Variants in CEP57 observed in about 807,000 individuals in gnomAD.
CEP57 encodes the protein centrosomal protein 57, also known as centrosomal protein of 57 kDa.
Under a neutral mutation model 68.0 loss-of-function variants are expected in CEP57, and 40 were observed. The observed-to-expected ratio is 0.59, with a 90% CI of 0.46 to 0.77. CEP57 has a LOEUF of 0.77. CEP57 is among the 30% of genes least tolerant of loss of function. The probability of loss-of-function intolerance (pLI) is 0.00; values close to 1 mark genes in which losing one functional copy is unlikely to be tolerated. For missense variants in CEP57, 606 were observed against 580.7 expected, an observed-to-expected ratio of 1.04 and a Z score of -0.45; for synonymous variants, 219 against 198.7, an observed-to-expected ratio of 1.10 and a Z score of -0.86.
rs370598159 is a variant in CEP57 at position 95,827,839 on chromosome 11, A to G, written c.939A>G (p.Leu313=). ...VVANVQLVLH[L]MKQHSKALCN... The stretch of plus-strand genomic sequence containing the variant: ...CCAATGTTCAGCTTGTCTTGCATCT[A>G]ATGAAGCAACACAGTAAAGCTTTGT... The change falls in exon 9 of 11, where the codon CTA becomes CTG. Residue 313 remains leucine, a synonymous_variant. Transcript: ENST00000325542. The G allele has an allele frequency of 6.2e-7, 1 of 1,614,010 alleles. No homozygotes were observed. The highest frequency in any genetic ancestry group is 8.5e-7 in the Non-Finnish European group (1 of 1,179,916).
At chr11:95,813,639 A>G (rs754341385) in intron 4 of CEP57, 50 bp downstream of exon 4, 4 of 1,606,486 alleles carry the variant, frequency 2.5e-6, no homozygotes, top group African/African-American at 1.3e-5. Context: ...TATGGGGAAA[A>G]CTAATTGAAT....
At chr11:95,817,964 T>C in intron 5 of CEP57, 61 bp downstream of exon 5, 2 of 913,448 alleles carry the variant, frequency 2.2e-6, no homozygotes, top group Non-Finnish European at 3.7e-6. Context: ...TTAATGTTAA[T>C]TATTTTACAT....
In CEP57 at chr11:95,793,785, A is replaced by G. The variant is rs544032769; in HGVS notation, c.45+3042A>G. On this transcript the variant is annotated intron_variant, in intron 1 of 10. Coordinates refer to ENST00000325542, the MANE Select transcript of CEP57 (RefSeq NM_014679.5). ...CAAAGTTCTCTAGCTAGTAAATGAC[A>G]GTATCTTAATGGGCTTTGGATTTAA... Among the ~76,000 whole-genome samples the G allele has an allele frequency of 9.8e-5, 15 of 152,340 alleles. No homozygotes were observed. The South Asian group carries it at 2.3e-3, about 23-fold the overall frequency.
intron 4 of CEP57, 65 bp downstream of exon 4, chr11:95,813,654 A>G: frequency 6.3e-7 from 1 of 1,593,590 alleles, no homozygotes. Flanking sequence ...TTGAATAAAG[A>G]CTTTTTTTCT....
intron 2 of CEP57, among the ~76,000 whole-genome samples, chr11:95,803,705 CG>C (rs1861676082): frequency 6.8e-6 from 1 of 147,984 alleles, no homozygotes; most frequent in Admixed American, 6.7e-5. Flanking sequence ...TTTTTTTTTT[CG>C]GCTTGTAACT....
At chr11:95,811,472 C>G (rs530252429) in intron 2 of CEP57, among the ~76,000 whole-genome samples, 1 of 150,858 alleles carries the variant, frequency 6.6e-6, no homozygotes, top group Non-Finnish European at 1.5e-5. Context: ...GAAGATATAC[C>G]TAATGTAAAT....
Position 95,799,361 on chromosome 11 carries a change from C to T in CEP57, c.175C>T (p.Leu59Phe). 6.2e-7 allele frequency: 1 copy of T among 1,614,028 alleles called. No homozygotes were observed. Reference sequence around the variant, plus strand: ...ACGACGCTCCCCAAGTAAGCCTACACTTGCCTATCCAGAAAGCAACAGCAG... The same window carrying T: ...ACGACGCTCCCCAAGTAAGCCTACATTTGCCTATCCAGAAAGCAACAGCAG... Reference protein sequence around the residue: ...DLRRSPSKPTLAYPESNSRAI... With the variant: ...DLRRSPSKPTFAYPESNSRAI... Residue 59 changes from leucine (L) to phenylalanine (F), a missense_variant, in exon 2 of 11, where the codon CTT becomes TTT. Coordinates refer to ENST00000325542, the MANE Select transcript of CEP57 (RefSeq NM_014679.5).
chr11:95,795,072 CAA>C (rs1177163107), intron 1 of CEP57, among the ~76,000 whole-genome samples: 6 of 152,120 alleles, frequency 3.9e-5, no homozygotes, highest in Admixed American at 3.3e-4. Flanking sequence ...CCTTGTTACT[CAA>C]GAGAAATATT....
intron 6 of CEP57, among the ~76,000 whole-genome samples, chr11:95,820,723 CTG>C: frequency 6.6e-6 from 1 of 151,966 alleles, no homozygotes; most frequent in African/African-American, 2.4e-5. Context: ...AATAAATAAA[CTG>C]GAAGTTAAAA....
In CEP57 at chr11:95,798,564, C is replaced by CCAT. The variant is rs1426164535; in HGVS notation, c.46-666_46-664dup. Among the ~76,000 whole-genome samples, 6 of 152,290 alleles carry CCAT rather than the reference C, an allele frequency of 3.9e-5. No individual in the cohort carries two copies. In the East Asian group the frequency reaches 1.2e-3, roughly 29 times the overall value. ...CTTAGTTACTTCCCCCAGTCTAGGA[C>CCAT]CATCTGTCAGTAGGAAGTCGCCTAC... On this transcript the variant is annotated intron_variant, in intron 1 of 10. Coordinates refer to ENST00000325542, the MANE Select transcript of CEP57 (RefSeq NM_014679.5).
Position 95,830,355 on chromosome 11 carries a change from A to G in CEP57, c.1273-671A>G, listed in dbSNP as rs2135381644. Among the ~76,000 whole-genome samples the G allele has an allele frequency of 1.3e-5, 2 of 152,318 alleles. 1 individual carries two copies. The highest frequency in any genetic ancestry group is 4.1e-4 in the South Asian group (2 of 4,826). ...CAAAGTTCATGTATGAAAAAGAAAT[A>G]CAAGCAAATTATTCCTGTAGGAGTA... On this transcript the variant is annotated intron_variant, in intron 10 of 10. Transcript: ENST00000325542.
chr11:95,801,722 C>T (rs369761118), intron 2 of CEP57, among the ~76,000 whole-genome samples: 19 of 151,220 alleles, frequency 1.3e-4, no homozygotes, highest in African/African-American at 2.9e-4. Flanking sequence ...ATTTATTCAC[C>T]GAGAATCAGA....
At chr11:95,798,856 A>C (rs1244704807) in intron 1 of CEP57, among the ~76,000 whole-genome samples, 1 of 152,206 alleles carries the variant, frequency 6.6e-6, no homozygotes, top group Non-Finnish European at 1.5e-5. Context: ...TGGGGAATAG[A>C]GTAATTCAGT....
intron 2 of CEP57, among the ~76,000 whole-genome samples, chr11:95,805,557 CT>C (rs1031986081): frequency 6.6e-6 from 1 of 152,170 alleles, no homozygotes; most frequent in Non-Finnish European, 1.5e-5. Context: ...GACAAGAATA[CT>C]TTGGGTTGAG....
At chr11:95,814,067 G>A (rs1244886495) in intron 4 of CEP57, among the ~76,000 whole-genome samples, 1 of 113,528 alleles carries the variant, frequency 8.8e-6, no homozygotes, top group East Asian at 2.5e-4. Context: ...TCAATTGATT[G>A]GATCTCACTC....
intron 6 of CEP57, among the ~76,000 whole-genome samples, chr11:95,820,356 A>T (rs1248094847): frequency 6.6e-6 from 1 of 152,070 alleles, no homozygotes; most frequent in African/African-American, 2.4e-5. Context: ...TCATTGTTAA[A>T]GAGTGGTCTG....
At chr11:95,812,829 C>T (rs1480781755) in intron 2 of CEP57, 103 bp from the exon 3 acceptor site, 8 of 972,974 alleles carry the variant, frequency 8.2e-6, no homozygotes, top group African/African-American at 6.4e-5. Context: ...CCACTGGACT[C>T]ATCCATCAAT....
chr11:95,799,102 A>G (rs1861465526), intron 1 of CEP57, 130 bp from the exon 2 acceptor site: 4 of 853,938 alleles, frequency 4.7e-6, no homozygotes, highest in Non-Finnish European at 7.6e-6. Context: ...ATTGAATTGT[A>G]TTGTTTCTAG....
At chr11:95,804,568 A>G (rs186027834) in intron 2 of CEP57, among the ~76,000 whole-genome samples, 9 of 152,288 alleles carry the variant, frequency 5.9e-5, no homozygotes, top group Non-Finnish European at 1.0e-4. Context: ...CAGAACTGGA[A>G]CACTGCGGCC....
Sources: allele counts gnomAD v4.1 joint callset (sites outside exome capture counted in the v4.1 genomes callset), GRCh38; gene constraint gnomAD v4.1.1; transcripts MANE v1.5; gene names NCBI Gene and HGNC (gene_info 2026-07-23, HGNC 2026-07-21).